GULP1: variants seen among roughly 807,000 people sequenced by gnomAD.
GULP1 encodes GULP PTB domain containing engulfment adaptor 1.
GULP1 carries 19 observed loss-of-function variants against 40.9 expected under a neutral mutation model. The ratio of observed to expected loss-of-function variants is 0.46; its 90% CI spans 0.32 to 0.68. The LOEUF (loss-of-function observed/expected upper bound fraction) is 0.68, where lower values mean the gene tolerates loss of function less well. Ranked by LOEUF, GULP1 falls within the 30% of genes least tolerant of loss-of-function variation. GULP1 has a pLI of 0.03. For missense variants in GULP1, 312 were observed against 362.2 expected (o/e 0.86, Z 1.12); for synonymous variants, 119 against 117.6 (o/e 1.01, Z -0.08).
intron 2 of GULP1, among the ~76,000 whole-genome samples, chr2:188,443,690 C>CTTT (rs1231359913): frequency 7.0e-6 from 1 of 142,526 alleles, no homozygotes; most frequent in Non-Finnish European, 1.5e-5. Context: ...AATTTCTTTT[C>CTTT]TTTTTTTTTT....
chr2:188,393,957 T>C (rs189851962), intron 2 of GULP1, among the ~76,000 whole-genome samples: 1 of 152,296 alleles, frequency 6.6e-6, no homozygotes, highest in Non-Finnish European at 1.5e-5. Flanking sequence ...CTTAGAATTC[T>C]TTTTTTAAAC....
chr2:188,478,108 T>C (rs2061168575), intron 3 of GULP1, among the ~76,000 whole-genome samples: 1 of 151,472 alleles, frequency 6.6e-6, no homozygotes, highest in South Asian at 2.1e-4. Context: ...CATTCATAAT[T>C]GTGTGTGTGT....
chr2:188,474,540 A>G (rs1393966289), intron 2 of GULP1, among the ~76,000 whole-genome samples: 1 of 152,088 alleles, frequency 6.6e-6, no homozygotes, highest in East Asian at 1.9e-4. Context: ...TGAACGCCTT[A>G]CAATTGCTGT....
intron 1 of GULP1, among the ~76,000 whole-genome samples, chr2:188,335,117 T>A (rs2042089973): frequency 6.6e-6 from 1 of 152,244 alleles, no homozygotes; most frequent in Non-Finnish European, 1.5e-5. Flanking sequence ...ATGTGTATAT[T>A]TTTGATATAT....
intron 1 of GULP1, among the ~76,000 whole-genome samples, chr2:188,357,234 G>A (rs1219213106): frequency 1.3e-5 from 2 of 152,244 alleles, no homozygotes; most frequent in East Asian, 3.9e-4. Context: ...AAAGGCTTAT[G>A]TACAGCAAAG....
intron 4 of GULP1, among the ~76,000 whole-genome samples, chr2:188,484,975 A>G (rs757257323): frequency 2.6e-5 from 4 of 152,226 alleles, no homozygotes; most frequent in South Asian, 2.1e-4. Context: ...AAAATTGTTT[A>G]TGTTATCCAT....
chr2:188,310,969 A>G (rs534236859), intron 1 of GULP1, among the ~76,000 whole-genome samples: 4 of 152,324 alleles, frequency 2.6e-5, no homozygotes, highest in African/African-American at 7.2e-5. Context: ...TATTTGTCAG[A>G]TATTTCTAGA....
intron 1 of GULP1, among the ~76,000 whole-genome samples, chr2:188,299,056 CA>C (rs1438166537): frequency 1.3e-5 from 2 of 152,248 alleles, no homozygotes; most frequent in Admixed American, 6.5e-5. Context: ...AAGATAATTC[CA>C]ACTGGCTATT....
At chr2:188,471,296 G>A (rs185271510) in intron 2 of GULP1, among the ~76,000 whole-genome samples, 4 of 146,658 alleles carry the variant, frequency 2.7e-5, no homozygotes, top group Non-Finnish European at 4.5e-5. Flanking sequence ...TCCCACCACC[G>A]CCCACCCGCC....
intron 5 of GULP1, among the ~76,000 whole-genome samples, chr2:188,526,681 G>A (rs1397916766): frequency 6.6e-6 from 1 of 152,128 alleles, no homozygotes; most frequent in East Asian, 1.9e-4. Context: ...TGAGAGTTGT[G>A]TAACATATGT....
At chr2:188,416,796 C>T (rs1267230723) in intron 2 of GULP1, among the ~76,000 whole-genome samples, 1 of 152,054 alleles carries the variant, frequency 6.6e-6, no homozygotes, top group Non-Finnish European at 1.5e-5. Flanking sequence ...GAAAAGTGAA[C>T]AAAAAGCACA....
chr2:188,547,796 G>A lies in GULP1; in HGVS notation c.399+6478G>A, dbSNP rs2153361238. 1.3e-5 allele frequency among the ~76,000 whole-genome samples: 2 copies of A among 152,164 alleles called. 1 individual carries two copies. Among genetic ancestry groups the A allele is most frequent in the Middle Eastern group, 6.8e-3 (2 of 294 alleles). ...AAAGAATTATATGCAAAGGTTAAGAGTAGTTTGTCCCAAGGATGCACATTT... is the reference window on the plus strand; with the variant it reads ...AAAGAATTATATGCAAAGGTTAAGAATAGTTTGTCCCAAGGATGCACATTT... On this transcript the variant is annotated intron_variant, in intron 7 of 11. Transcript: ENST00000409830.
chr2:188,338,679 G>A (rs945299039), intron 1 of GULP1, among the ~76,000 whole-genome samples: 1 of 152,096 alleles, frequency 6.6e-6, no homozygotes, highest in African/African-American at 2.4e-5. Context: ...TATGAAGTCA[G>A]CTATATTGCA....
intron 2 of GULP1, among the ~76,000 whole-genome samples, chr2:188,445,811 G>A (rs1023006492): frequency 6.6e-6 from 1 of 152,136 alleles, no homozygotes; most frequent in African/African-American, 2.4e-5. Flanking sequence ...ATTAATCCTA[G>A]GAGTTGAAGC....
intron 2 of GULP1, among the ~76,000 whole-genome samples, chr2:188,475,819 G>A (rs1249490379): frequency 6.6e-6 from 1 of 151,992 alleles, no homozygotes; most frequent in Non-Finnish European, 1.5e-5. Flanking sequence ...ATTCTCTGTT[G>A]TGTTGTATTC....
intron 7 of GULP1, among the ~76,000 whole-genome samples, chr2:188,544,208 A>T (rs1260471676): frequency 6.6e-6 from 1 of 152,114 alleles, no homozygotes; most frequent in Non-Finnish European, 1.5e-5. Context: ...TCATACCAAG[A>T]GACAGGTTTC....
At chr2:188,383,028 A>G (rs2049206283) in intron 1 of GULP1, among the ~76,000 whole-genome samples, 1 of 152,164 alleles carries the variant, frequency 6.6e-6, no homozygotes, top group African/African-American at 2.4e-5. Flanking sequence ...CACAAGACTT[A>G]GATATGTTTC....
chr2:188,594,579 A>G lies in GULP1; in HGVS notation c.*568A>G, dbSNP rs1704170781. 6.6e-6 allele frequency: 1 copy of G among 151,866 alleles called. No individual in the cohort carries two copies. The highest frequency in any genetic ancestry group is 1.5e-5 in the Non-Finnish European group (1 of 67,814). The allele number at this position is 151,866 out of a possible 1,614,324, so 9.4% of individuals were successfully genotyped here. On this transcript the variant is annotated 3_prime_UTR_variant, in exon 12 of 12. Coordinates refer to ENST00000409830, the MANE Select transcript of GULP1 (RefSeq NM_016315.4). ...TTCTAGCAGGTAAAATTATAAGGAT[A>G]TAAATTCCAATAATAAACCAAATGT... is the stretch of plus-strand genomic sequence containing the variant.
chr2:188,443,796 C>T (rs1252203355), intron 2 of GULP1, among the ~76,000 whole-genome samples: 1 of 151,300 alleles, frequency 6.6e-6, no homozygotes, highest in Non-Finnish European at 1.5e-5. Flanking sequence ...AAGCAATTCT[C>T]CTGCCTCAAC....
Sources: gnomAD v4.1 joint callset for allele counts (sites outside exome capture counted in the v4.1 genomes callset) on GRCh38, gnomAD v4.1.1 for gene constraint, MANE v1.5 for transcripts, NCBI Gene and HGNC (gene_info 2026-07-23, HGNC 2026-07-21) for gene names.